DAB2: variants seen among roughly 807,000 people sequenced by gnomAD.
DAB2 encodes the protein DAB adaptor protein 2, also known as disabled homolog 2.
A neutral mutation model predicts 71.6 loss-of-function variants in DAB2; 28 were observed. That is an observed-to-expected ratio of 0.39 (90% CI 0.29 to 0.54). The LOEUF is 0.54. Ranked by LOEUF, DAB2 falls within the 20% of genes least tolerant of loss-of-function variation. The probability of loss-of-function intolerance (pLI) is 0.68; values close to 1 mark genes in which losing one functional copy is unlikely to be tolerated. For missense variants in DAB2, 867 were observed against 928.8 expected (o/e 0.93, Z 0.86); for synonymous variants, 345 against 339.7 (o/e 1.02, Z -0.17).
In DAB2 at chr5:39,410,665, T is replaced by C. The variant is rs1413893450; in HGVS notation, c.-102+14139A>G. Reference sequence around the variant, plus strand: ...CATTTATTAGATCTATGTGTGTATCTTTTAATATGTGTTATTCAAAATCAT... The same window carrying C: ...CATTTATTAGATCTATGTGTGTATCCTTTAATATGTGTTATTCAAAATCAT... On this transcript the variant is annotated intron_variant, in intron 1 of 14. Coordinates refer to ENST00000320816, the MANE Select transcript of DAB2 (RefSeq NM_001343.4). Among the ~76,000 whole-genome samples the C allele has an allele frequency of 2.6e-5, 4 of 152,184 alleles. No individual in the cohort carries two copies. In the East Asian group the frequency reaches 5.8e-4, roughly 22 times the overall value.
chr5:39,414,786 C>T (rs1182805869), intron 1 of DAB2, among the ~76,000 whole-genome samples: 1 of 151,848 alleles, frequency 6.6e-6, no homozygotes, highest in African/African-American at 2.4e-5. Context: ...TTCCATTTTG[C>T]TCACTCTATA....
intron 4 of DAB2, among the ~76,000 whole-genome samples, chr5:39,391,522 T>C (rs1475037736): frequency 6.6e-6 from 1 of 152,052 alleles, no homozygotes; most frequent in African/African-American, 2.4e-5. Context: ...GGGCCCTAGG[T>C]TTGCATGGTA....
chr5:39,402,072 G>A (rs933865524), intron 1 of DAB2, among the ~76,000 whole-genome samples: 4 of 152,088 alleles, frequency 2.6e-5, no homozygotes, highest in Admixed American at 2.0e-4. Context: ...AATCGAAAAG[G>A]GAAACCCCTT....
intron 1 of DAB2, among the ~76,000 whole-genome samples, chr5:39,402,644 C>T (rs1755529230): frequency 6.6e-6 from 1 of 152,174 alleles, no homozygotes; most frequent in Non-Finnish European, 1.5e-5. Flanking sequence ...TCTTGAACTC[C>T]TGACCTCAGG....
chr5:39,394,257 C>T lies in DAB2; in HGVS notation c.64G>A (p.Ala22Thr), dbSNP rs1175572898. Residue 22 changes from alanine to threonine, a missense_variant, in exon 2 of 15, where the codon GCA becomes ACA. Physicochemically the swap from Ala to Thr is moderately conservative, Grantham distance 58 (BLOSUM62 0). Around this residue, in one of 2 missense-constraint regions of DAB2, gnomAD observed 127 missense variants for 194.4 expected, o/e 0.65. Coordinates refer to ENST00000320816, the MANE Select transcript of DAB2 (RefSeq NM_001343.4). ...TTCTTTTTTTCCTTCTTTGAGGGTG[C>T]TTTTGGTGCGGCCTGTTGGTCGGGC... ...GQPDQQAAPK[A>T]PSKKEKKKGP... The T allele has an allele frequency of 6.2e-7, 1 of 1,613,936 alleles. No homozygotes were observed. Among genetic ancestry groups the T allele is most frequent in the Non-Finnish European group, 8.5e-7 (1 of 1,179,974 alleles).
At chr5:39,403,909 G>A (rs1035252704) in intron 1 of DAB2, among the ~76,000 whole-genome samples, 1 of 151,828 alleles carries the variant, frequency 6.6e-6, no homozygotes, top group Non-Finnish European at 1.5e-5. Flanking sequence ...ATAGTTTGCT[G>A]AGAATGATGG....
rs1482173216 is a variant in DAB2, at chr5:39,422,706, A to G, written c.-102+2098T>C. On this transcript the variant is annotated intron_variant, in intron 1 of 14. Coordinates refer to ENST00000320816, the MANE Select transcript of DAB2 (RefSeq NM_001343.4). This position sits in a 1 kb window ranked among gnomAD's most constrained non-coding sequence, Gnocchi z 4.1. The stretch of plus-strand genomic sequence containing the variant: ...AGCAGGCCAGTAAATATCATCCCCA[A>G]ACAGCTGGTCAGCAGCTGCCAGAGG... 6.6e-6 allele frequency among the ~76,000 whole-genome samples: 1 copy of G among 151,986 alleles called. No individual in the cohort carries two copies. The highest frequency in any genetic ancestry group is 1.5e-5 in the Non-Finnish European group (1 of 67,970).
chr5:39,377,442 AG>A (rs1482122693), intron 11 of DAB2, among the ~76,000 whole-genome samples, 160 bp from the exon 12 acceptor site: 3 of 152,190 alleles, frequency 2.0e-5, no homozygotes, highest in African/African-American at 7.2e-5. Context: ...TCACTGTAAA[AG>A]TTAGCCAGCT....
chr5:39,395,823 G>C (rs975956945), intron 1 of DAB2, among the ~76,000 whole-genome samples: 2 of 151,930 alleles, frequency 1.3e-5, no homozygotes, highest in African/African-American at 2.4e-5. Context: ...ACTTAGGTGG[G>C]AACCAGGCAC....
At position 39,389,115 on chromosome 5, in the gene DAB2, T is replaced by C; in HGVS notation, c.552A>G (p.Glu184=). The part of the protein sequence containing the change: ...KKEEEKKKIE[E]ASKAVENGSE... ...ATTTTACCTCAACTGCTTTGCTGGC[T>C]TCCTCTATCTAAAAAGAAAGATACA... The change falls in exon 7 of 15, where the codon GAA becomes GAG. Residue 184 remains glutamate (E), a synonymous_variant. Transcript: ENST00000320816. 6.2e-7 allele frequency: 1 copy of C among 1,612,476 alleles called. No homozygotes were observed. The highest frequency in any genetic ancestry group is 1.7e-5 in the Admixed American group (1 of 59,876).
At chr5:39,390,314 G>C in intron 5 of DAB2, 130 bp downstream of exon 5, 2 of 1,169,680 alleles carry the variant, frequency 1.7e-6, no homozygotes, top group Non-Finnish European at 2.4e-6. Flanking sequence ...AATAAAAATA[G>C]TCATTCTCGG....
At position 39,382,967 on chromosome 5, in the gene DAB2, A is replaced by C; in HGVS notation, c.992T>G (p.Leu331Arg). 1 of 1,614,160 alleles carries C rather than the reference A, an allele frequency of 6.2e-7. No individual in the cohort carries two copies. Among genetic ancestry groups the C allele is most frequent in the Admixed American group, 1.7e-5 (1 of 60,024 alleles). Residue 331 changes from leucine (L) to arginine (R), a missense_variant, in exon 10 of 15, where the codon CTG becomes CGG. Leu to Arg is a moderately radical substitution (Grantham distance 102, BLOSUM62 -2). Around this residue, in one of 2 missense-constraint regions of DAB2, gnomAD observed 740 missense variants for 734.3 expected, o/e 1.01. Transcript: ENST00000320816. ...ATCACCATTCAGGGGCCCATTACTC[A>C]GCGGAGTAGACGAGCTACTCGAATT... ...KENSSSSSTP[L>R]SNGPLNGDVD...
intron 1 of DAB2, among the ~76,000 whole-genome samples, chr5:39,407,083 C>T (rs747856665): frequency 1.3e-5 from 2 of 152,196 alleles, no homozygotes; most frequent in Non-Finnish European, 1.5e-5. Flanking sequence ...ATAGCTTTTA[C>T]TACAATCCTC....
chr5:39,421,050 G>C (rs1755972416), intron 1 of DAB2, among the ~76,000 whole-genome samples: 1 of 152,150 alleles, frequency 6.6e-6, no homozygotes, highest in Non-Finnish European at 1.5e-5. Flanking sequence ...TCTGTCAGGA[G>C]TCTGAGAGGG....
At chr5:39,397,866 A>G (rs963653040) in intron 1 of DAB2, among the ~76,000 whole-genome samples, 15 of 152,214 alleles carry the variant, frequency 9.9e-5, no homozygotes, top group African/African-American at 3.6e-4. Context: ...AAGAACTGCA[A>G]CAATATATTC....
At chr5:39,395,585 C>T (rs1180644447) in intron 1 of DAB2, among the ~76,000 whole-genome samples, 1 of 152,256 alleles carries the variant, frequency 6.6e-6, no homozygotes, top group African/African-American at 2.4e-5. Context: ...GGGGTCAGTA[C>T]TTAATTTCTC....
chr5:39,383,699 C>G (rs1755033687), intron 9 of DAB2, among the ~76,000 whole-genome samples: 1 of 152,220 alleles, frequency 6.6e-6, no homozygotes, highest in South Asian at 2.1e-4. Context: ...AGAAGCTTAG[C>G]TCAGCTTCCT....
intron 14 of DAB2, among the ~76,000 whole-genome samples, chr5:39,374,547 T>C (rs1461945554): frequency 1.3e-5 from 2 of 152,200 alleles, no homozygotes; most frequent in Non-Finnish European, 2.9e-5. Flanking sequence ...AGACTAACTT[T>C]GAGATTGCTC....
Position 39,393,348 on chromosome 5 carries a change from T to C in DAB2, c.137A>G (p.Asp46Gly), listed in dbSNP as rs1482060043. Residue 46 changes from aspartate (D) to glycine (G), a missense_variant, in exon 3 of 15, where the codon GAT becomes GGT. Physicochemically the swap from Asp to Gly is moderately conservative, Grantham distance 94. Around this residue, in one of 2 missense-constraint regions of DAB2, gnomAD observed 127 missense variants for 194.4 expected, o/e 0.65. Transcript: ENST00000320816. ...DEYLLARFKG[D>G]GVKYKAKLIG... ...CAGCTTGGCCTTATATTTTACACCATCGCCTTTGAACCTTGCTAAGAGATA... is the reference window on the plus strand; with the variant it reads ...CAGCTTGGCCTTATATTTTACACCACCGCCTTTGAACCTTGCTAAGAGATA... 1 of 1,613,930 alleles carries C rather than the reference T, an allele frequency of 6.2e-7. No homozygotes were observed. The highest frequency in any genetic ancestry group is 8.5e-7 in the Non-Finnish European group (1 of 1,179,978).
Sources: allele counts gnomAD v4.1 joint callset (sites outside exome capture counted in the v4.1 genomes callset), GRCh38; gene constraint gnomAD v4.1.1; regional missense constraint gnomAD v4.1.1; non-coding constraint Gnocchi (gnomAD v3.1); transcripts MANE v1.5; gene names NCBI Gene and HGNC (gene_info 2026-07-23, HGNC 2026-07-21).